Variants in C12orf75 observed in about 807,000 individuals in gnomAD.
The protein encoded by C12orf75 is chromosome 12 open reading frame 75.
A neutral mutation model predicts 11.4 loss-of-function variants in C12orf75; 4 were observed. The observed-to-expected ratio is 0.35, with a 90% confidence interval of 0.17 to 0.80. C12orf75 has a LOEUF of 0.80. Ranked by LOEUF, C12orf75 falls within the 30% of genes least tolerant of loss-of-function variation. C12orf75 has a pLI of 0.52. For synonymous variants in C12orf75, 30 were observed against 30.0 expected (o/e 1.00, Z 0.00); for missense variants, 89 against 80.4 (o/e 1.11, Z -0.41).
intron 2 of C12orf75, among the ~76,000 whole-genome samples, chr12:105,362,340 C>G (rs367776260): frequency 1.1e-3 from 127 of 114,532 alleles, no homozygotes; most frequent in Middle Eastern, 0.011. Flanking sequence ...AGCCGAGATC[C>G]CGCCACTGCA....
intron 2 of C12orf75, among the ~76,000 whole-genome samples, chr12:105,365,015 T>G (rs1292103878): frequency 3.3e-5 from 5 of 151,918 alleles, no homozygotes; most frequent in Non-Finnish European, 5.9e-5. Context: ...TTTTGTATTT[T>G]TAGTAGAGAT....
intron 1 of C12orf75, among the ~76,000 whole-genome samples, chr12:105,336,798 G>GT: frequency 6.6e-6 from 1 of 152,302 alleles, no homozygotes; most frequent in East Asian, 1.9e-4. Context: ...AAGTAAGGTA[G>GT]TAAGGGGCAG....
At position 105,332,843 on chromosome 12, in the gene C12orf75, CTTGGGGAAATATGATTA is replaced by C. The variant is rs1438690178; in HGVS notation, c.46+1908_46+1924del. Among the ~76,000 whole-genome samples, 3 of 148,280 alleles carry C rather than the reference CTTGGGGAAATATGATTA, an allele frequency of 2.0e-5. No individual in the cohort carries two copies. The East Asian group carries it at 5.9e-4, about 29-fold the overall frequency. On this transcript the variant is annotated intron_variant, in intron 1 of 5. Transcript: ENST00000443585. ...CAAATTTGGGGGGAAAATATGATTTCTTGGGGAAATATGATTATCTTTATGAATATTTGATTGACTTT... is the reference window on the plus strand; with the variant it reads ...CAAATTTGGGGGGAAAATATGATTTCTCTTTATGAATATTTGATTGACTTT...
chr12:105,335,181 T>C (rs1203049936), intron 1 of C12orf75, among the ~76,000 whole-genome samples: 1 of 152,214 alleles, frequency 6.6e-6, no homozygotes, highest in Non-Finnish European at 1.5e-5. Flanking sequence ...TGATAATTAT[T>C]TACCCTATTT....
At position 105,357,807 on chromosome 12, in the gene C12orf75, T is replaced by TGTGTGTGTGA. The variant is rs1491090986; in HGVS notation, c.72-7999_72-7998insTGTGTGTGAG. On this transcript the variant is annotated intron_variant, in intron 2 of 5. Transcript: ENST00000443585. ...GTGTGTGTGTGTGTGTGTGTGTGTGTGAGAGAGAGAGAGAGAGAGAGAGGA... is the reference window on the plus strand; with the variant it reads ...GTGTGTGTGTGTGTGTGTGTGTGTGTGTGTGTGTGAGAGAGAGAGAGAGAGAGAGAGAGGA... Among the ~76,000 whole-genome samples the TGTGTGTGTGA allele has an allele frequency of 5.1e-4, 63 of 122,966 alleles. 2 individuals are homozygous for TGTGTGTGTGA. Among genetic ancestry groups the TGTGTGTGTGA allele is most frequent in the African/African-American group, 1.6e-3 (46 of 28,808 alleles). The allele number at this position is 122,966 out of a possible 152,430, so 80.7% of individuals were successfully genotyped here.
intron 4 of C12orf75, among the ~76,000 whole-genome samples, 190 bp from the exon 5 acceptor site, chr12:105,367,280 CAT>C (rs1871502838): frequency 6.6e-6 from 1 of 152,194 alleles, no homozygotes; most frequent in African/African-American, 2.4e-5. Context: ...TGACTATTAA[CAT>C]GTTTGCTTTA....
At chr12:105,335,493 C>T (rs1892489416) in intron 1 of C12orf75, among the ~76,000 whole-genome samples, 1 of 152,170 alleles carries the variant, frequency 6.6e-6, no homozygotes, top group Admixed American at 6.5e-5. Flanking sequence ...ATTCTTTAAA[C>T]ATGCTGAACT....
chr12:105,355,191 T>C (rs1470503163), intron 2 of C12orf75, among the ~76,000 whole-genome samples: 84 of 136,926 alleles, frequency 6.1e-4, no homozygotes, highest in South Asian at 1.7e-3. Flanking sequence ...TTTTTTTTTT[T>C]CAGAGTTTTG....
At chr12:105,368,082 T>C (rs763794253) in intron 5 of C12orf75, among the ~76,000 whole-genome samples, 13 of 152,080 alleles carry the variant, frequency 8.5e-5, no homozygotes, top group East Asian at 1.9e-4. Flanking sequence ...ACACGTTCAG[T>C]ATGGACATGG....
chr12:105,358,457 G>A (rs1892815594), intron 2 of C12orf75, among the ~76,000 whole-genome samples: 2 of 152,178 alleles, frequency 1.3e-5, no homozygotes, highest in African/African-American at 4.8e-5. Context: ...AGAGGTTGAG[G>A]CTACAGTGAG....
At chr12:105,360,678 G>A (rs1353715754) in intron 2 of C12orf75, among the ~76,000 whole-genome samples, 2 of 152,148 alleles carry the variant, frequency 1.3e-5, no homozygotes, top group East Asian at 3.8e-4. Context: ...TTGAGACGGG[G>A]CCTTGCTCTT....
rs1383658004 is a variant in C12orf75, at chr12:105,370,616, C to T, written c.*34-18C>T. The T allele has an allele frequency of 4.4e-6, 2 of 457,494 alleles. No individual in the cohort carries two copies. The highest frequency in any genetic ancestry group is 4.0e-5 in the African/African-American group (2 of 50,056). 28.3% of individuals were successfully genotyped at this position (457,494 alleles called of 1,614,324 possible). On this transcript the variant is annotated intron_variant, in intron 5 of 5. Coordinates refer to ENST00000443585, the MANE Select transcript of C12orf75 (RefSeq NM_001145199.2). ...ACCTGTTTGCTCACTCTTTTCTCCT[C>T]TTCTGTTGTCTCCTTAGCTTGCTCA...
intron 1 of C12orf75, among the ~76,000 whole-genome samples, chr12:105,332,229 A>G (rs1892438395): frequency 6.6e-6 from 1 of 152,160 alleles, no homozygotes; most frequent in Admixed American, 6.5e-5. Flanking sequence ...TCAGTCTACT[A>G]GGTACTGTGG....
At chr12:105,348,485 A>T (rs1347523770) in intron 1 of C12orf75, 117 bp from the exon 2 acceptor site, 12 of 573,258 alleles carry the variant, frequency 2.1e-5, no homozygotes, top group South Asian at 4.9e-5. Flanking sequence ...GTTTTTGAAA[A>T]TTTTTTTAAA....
intron 2 of C12orf75, among the ~76,000 whole-genome samples, chr12:105,356,330 A>G (rs1466095524): frequency 1.3e-5 from 2 of 152,042 alleles, no homozygotes; most frequent in African/African-American, 4.8e-5. Flanking sequence ...ACAGATCAGG[A>G]GAGCCATGGT....
chr12:105,339,871 C>A (rs946406655), intron 1 of C12orf75, among the ~76,000 whole-genome samples: 2 of 152,066 alleles, frequency 1.3e-5, no homozygotes. Context: ...CCACCCACCT[C>A]AGCCTCCCAA....
chr12:105,359,307 T>C (rs1198944178), intron 2 of C12orf75, among the ~76,000 whole-genome samples: 1 of 152,206 alleles, frequency 6.6e-6, no homozygotes, highest in African/African-American at 2.4e-5. Context: ...TCTCTTGGTA[T>C]AAGCCTTATC....
intron 2 of C12orf75, among the ~76,000 whole-genome samples, chr12:105,362,112 C>T (rs111733300): frequency 6.6e-6 from 1 of 151,948 alleles, no homozygotes; most frequent in African/African-American, 2.4e-5. Context: ...CCTGGCCGGG[C>T]GCGGTGGCTC....
intron 2 of C12orf75, among the ~76,000 whole-genome samples, chr12:105,348,969 C>T (rs190023352): frequency 3.4e-4 from 51 of 152,144 alleles, no homozygotes; most frequent in South Asian, 6.2e-4. Flanking sequence ...CCTATGACTA[C>T]GCAGTGTTTT....
Sources: allele counts gnomAD v4.1 joint callset (sites outside exome capture counted in the v4.1 genomes callset), GRCh38; gene constraint gnomAD v4.1.1; transcripts MANE v1.5; gene names NCBI Gene and HGNC (gene_info 2026-07-23, HGNC 2026-07-21).